Variants in KIDINS220 observed in about 807,000 individuals in gnomAD.
KIDINS220 encodes the protein kinase D interacting substrate 220.
KIDINS220 carries 63 observed loss-of-function variants against 157.6 expected under a neutral mutation model. The ratio of observed to expected loss-of-function variants is 0.40; its 90% CI spans 0.33 to 0.49. The LOEUF is 0.49. Among genes scored for constraint, KIDINS220 ranks in the 20% least tolerant of loss-of-function variants. The pLI is 0.66. For synonymous variants in KIDINS220, 732 were observed against 783.6 expected (o/e 0.93, Z 1.10); for missense variants, 1,772 against 2,171.2 (o/e 0.82, Z 3.65).
At position 8,803,060 on chromosome 2, in the gene KIDINS220, T is replaced by C; in HGVS notation, c.671A>G (p.Lys224Arg). 6.2e-7 allele frequency: 1 copy of C among 1,613,284 alleles called. No homozygotes were observed. Among genetic ancestry groups the C allele is most frequent in the Non-Finnish European group, 8.5e-7 (1 of 1,179,904 alleles). The change falls in exon 8 of 30, where the codon AAG becomes AGG. Residue 224 changes from lysine (K) to arginine (R), a missense_variant. This residue lies in a region of KIDINS220 where 254 missense variants were observed against 268.6 expected (regional missense o/e 0.95). Coordinates refer to ENST00000256707, the MANE Select transcript of KIDINS220 (RefSeq NM_020738.4). ...TGTTAAGTTTACATTTGGATTCCTCTTCAAAATTTCTTTTACTGACTGTGT... is the reference window on the plus strand; with the variant it reads ...TGTTAAGTTTACATTTGGATTCCTCCTCAAAATTTCTTTTACTGACTGTGT... ...GYTQSVKEIL[K>R]RNPNVNLTDK...
Position 8,750,148 on chromosome 2 carries a change from G to C in KIDINS220, c.3378C>G (p.Ser1126Arg). The C allele has an allele frequency of 6.2e-7, 1 of 1,614,128 alleles. No homozygotes were observed. The highest frequency in any genetic ancestry group is 8.5e-7 in the Non-Finnish European group (1 of 1,180,004). Residue 1126 changes from serine to arginine, a missense_variant, in exon 24 of 30, where the codon AGC becomes AGG. Physicochemically the swap from Ser to Arg is moderately radical, Grantham distance 110 (BLOSUM62 -1). Around this residue, in one of 3 missense-constraint regions of KIDINS220, gnomAD observed 793 missense variants for 885.5 expected, o/e 0.90. Transcript: ENST00000256707. ...AGGGATGCTGAGGGCCCGTCATGCCGCTGTAATAGCTGCTGTGAGGCTGTG... is the reference window on the plus strand; with the variant it reads ...AGGGATGCTGAGGGCCCGTCATGCCCCTGTAATAGCTGCTGTGAGGCTGTG... ...VSPQPHSSYY[S>R]GMTGPQHPFY...
At position 8,809,933 on chromosome 2, in the gene KIDINS220, T is replaced by C. The variant is rs897618944; in HGVS notation, c.504+2462A>G. Reference sequence around the variant, plus strand: ...CAGATGTCCAAGCTCCTCAGCCAAGTATCCAAGACTCACCCAAAGGTAGCT... The same window carrying C: ...CAGATGTCCAAGCTCCTCAGCCAAGCATCCAAGACTCACCCAAAGGTAGCT... On this transcript the variant is annotated intron_variant, in intron 6 of 29. Transcript: ENST00000256707. Among the ~76,000 whole-genome samples, 3 of 152,106 alleles carry C rather than the reference T, an allele frequency of 2.0e-5. No homozygotes were observed. The East Asian group carries it at 5.8e-4, about 29-fold the overall frequency.
Position 8,789,627 on chromosome 2 carries a change from AAG to A in KIDINS220, c.1621+251_1621+252del, listed in dbSNP as rs368831673. ...TAAATATAAATCATTAATTAACAAA[AAG>A]AGTAAGTATAATAATATAGGTTCTT... On this transcript the variant is annotated intron_variant, in intron 14 of 29. Transcript: ENST00000256707. Among the ~76,000 whole-genome samples, 685 of 152,276 alleles carry A rather than the reference AAG, an allele frequency of 4.5e-3. 2 individuals are homozygous for A. The highest frequency in any genetic ancestry group is 0.031 in the Middle Eastern group (9 of 294).
In KIDINS220 at chr2:8,778,730, T is replaced by TA. The variant is rs1671303729; in HGVS notation, c.2615-4dup. ...TCTGTCAGCATCTTCCTGTATCCCT[T>TA]AAATAATTTATCAAGACAGCATCAC... is the stretch of plus-strand genomic sequence containing the variant. On this transcript the variant is annotated splice_region_variant and splice_polypyrimidine_tract_variant and intron_variant, in intron 19 of 29. Transcript: ENST00000256707. The TA allele has an allele frequency of 1.2e-6, 2 of 1,612,748 alleles. No homozygotes were observed. The highest frequency in any genetic ancestry group is 2.2e-5 in the South Asian group (2 of 91,050).
chr2:8,757,972 C>A (rs1668248475), intron 22 of KIDINS220, among the ~76,000 whole-genome samples: 1 of 152,230 alleles, frequency 6.6e-6, no homozygotes, highest in African/African-American at 2.4e-5. Context: ...AAGCAATTCT[C>A]CTGCCTCAGC....
rs1675858130 is a variant in KIDINS220, at chr2:8,808,678, T to C, written c.505-2309A>G. Among the ~76,000 whole-genome samples, 3 of 152,374 alleles carry C rather than the reference T, an allele frequency of 2.0e-5. No individual in the cohort carries two copies. In the South Asian group the frequency reaches 6.2e-4, roughly 32 times the overall value. The stretch of plus-strand genomic sequence containing the variant: ...ATCCCTTCTCAATCTAATCCCTTTA[T>C]GTGTATTCCTGACCCTATGGTCCTC... On this transcript the variant is annotated intron_variant, in intron 6 of 29. Coordinates refer to ENST00000256707, the MANE Select transcript of KIDINS220 (RefSeq NM_020738.4).
intron 22 of KIDINS220, among the ~76,000 whole-genome samples, chr2:8,764,890 T>C (rs992355074): frequency 3.9e-5 from 6 of 152,174 alleles, no homozygotes; most frequent in Non-Finnish European, 5.9e-5. Flanking sequence ...GTTCATGAAG[T>C]GTATAGTCTC....
chr2:8,817,820 G>A, intron 3 of KIDINS220, 104 bp from the exon 4 acceptor site: 2 of 702,450 alleles, frequency 2.8e-6, no homozygotes, highest in South Asian at 2.1e-5. Context: ...ATACCAAGTT[G>A]ACATGGTGTG....
At chr2:8,825,606 G>A (rs1678667328) in intron 2 of KIDINS220, 1 of 151,944 alleles carries the variant, frequency 6.6e-6, no homozygotes, top group Admixed American at 6.5e-5. Flanking sequence ...TACACATATA[G>A]TGTAAAATAA....
In KIDINS220 at chr2:8,730,049, G is replaced by A. The variant is rs1192034596; in HGVS notation, c.*671C>T. 3.0e-6 allele frequency: 3 copies of A among 985,320 alleles called. No individual in the cohort carries two copies. The highest frequency in any genetic ancestry group is 2.3e-4 in the East Asian group (2 of 8,810). 61.0% of individuals were successfully genotyped at this position (985,320 alleles called of 1,614,324 possible). On this transcript the variant is annotated 3_prime_UTR_variant, in exon 30 of 30. Coordinates refer to ENST00000256707, the MANE Select transcript of KIDINS220 (RefSeq NM_020738.4). ...GTTTCCGACATATAAACCCACGGAG[G>A]TCACCAGCCCTCCCCGCATCTACTC... is the stretch of plus-strand genomic sequence containing the variant.
chr2:8,815,684 T>C (rs1003117439), intron 4 of KIDINS220, among the ~76,000 whole-genome samples: 1 of 151,836 alleles, frequency 6.6e-6, no homozygotes, highest in African/African-American at 2.4e-5. Context: ...GAAAAAAAAA[T>C]AAAGAATAAT....
At chr2:8,743,485 T>C (rs1665915353) in intron 26 of KIDINS220, among the ~76,000 whole-genome samples, 1 of 152,250 alleles carries the variant, frequency 6.6e-6, no homozygotes, top group Non-Finnish European at 1.5e-5. Flanking sequence ...GAGGCAGGTC[T>C]GCTTTTCCCA....
At chr2:8,762,372 G>A (rs1668860449) in intron 22 of KIDINS220, among the ~76,000 whole-genome samples, 1 of 152,112 alleles carries the variant, frequency 6.6e-6, no homozygotes, top group South Asian at 2.1e-4. Context: ...TTCATTCTAC[G>A]TTTGCATTAA....
intron 22 of KIDINS220, among the ~76,000 whole-genome samples, chr2:8,760,015 A>G (rs1445818215): frequency 6.6e-6 from 1 of 152,198 alleles, no homozygotes; most frequent in Non-Finnish European, 1.5e-5. Flanking sequence ...ACTGCTTCAA[A>G]AGCTGCTGAC....
chr2:8,787,469 A>G (rs1250245397), intron 15 of KIDINS220, among the ~76,000 whole-genome samples: 2 of 151,800 alleles, frequency 1.3e-5, no homozygotes, highest in African/African-American at 4.8e-5. Flanking sequence ...CCGAAGCTTA[A>G]GCAGTCCTCC....
At chr2:8,743,017 C>A (rs891150773) in intron 26 of KIDINS220, among the ~76,000 whole-genome samples, 1 of 152,126 alleles carries the variant, frequency 6.6e-6, no homozygotes, top group Non-Finnish European at 1.5e-5. Context: ...GAACAACATG[C>A]CACTGAGGAG....
chr2:8,806,366 C>T lies in KIDINS220; in HGVS notation c.508G>A (p.Gly170Arg). 1 of 1,586,448 alleles carries T rather than the reference C, an allele frequency of 6.3e-7. No individual in the cohort carries two copies. Among genetic ancestry groups the T allele is most frequent in the Non-Finnish European group, 8.6e-7 (1 of 1,165,478 alleles). Residue 170 changes from glycine to arginine, a missense_variant, in exon 7 of 30, where the codon GGA becomes AGA. By Grantham distance (125) the Gly-to-Arg change is moderately radical. This residue lies in a region of KIDINS220 where 254 missense variants were observed against 268.6 expected (regional missense o/e 0.95). Coordinates refer to ENST00000256707, the MANE Select transcript of KIDINS220 (RefSeq NM_020738.4). ...GAKVNCSDKY[G>R]TTPLVWAARK... ...GCAGCCCAAACTAAAGGGGTGGTTC[C>T]ATACTATTAAAACAAACAATAAATT...
At chr2:8,741,342 G>A (rs894086444) in intron 26 of KIDINS220, among the ~76,000 whole-genome samples, 1 of 152,200 alleles carries the variant, frequency 6.6e-6, no homozygotes, top group Non-Finnish European at 1.5e-5. Flanking sequence ...CCACAGTGGT[G>A]GATGACTTGA....
intron 26 of KIDINS220, among the ~76,000 whole-genome samples, chr2:8,744,387 A>AAAAATATATATAT (rs1666189982): frequency 3.6e-5 from 1 of 27,746 alleles, no homozygotes; most frequent in African/African-American, 1.8e-4. Flanking sequence ...AAAAAAAAAA[A>AAAAATATATATAT]AATATATATA....
Sources: allele counts gnomAD v4.1 joint callset (sites outside exome capture counted in the v4.1 genomes callset), GRCh38; gene constraint gnomAD v4.1.1; regional missense constraint gnomAD v4.1.1; transcripts MANE v1.5; gene names NCBI Gene and HGNC (gene_info 2026-07-23, HGNC 2026-07-21).